Variants in FARS2 observed in about 807,000 individuals in gnomAD.
FARS2 encodes phenylalanyl-tRNA synthetase 2, mitochondrial, also known as phenylalanine--tRNA ligase, mitochondrial.
In FARS2, 40 loss-of-function variants were observed where a neutral mutation model predicts 46.4. That is an observed-to-expected ratio of 0.86 (90% CI 0.67 to 1.12). The LOEUF is 1.12. Ranked by LOEUF, FARS2 falls within the 50% of genes most tolerant of loss-of-function variation. The pLI, the probability that FARS2 is intolerant of heterozygous loss-of-function variation, is 0.00. For missense variants in FARS2, 513 were observed against 567.9 expected, an observed-to-expected ratio of 0.90 and a Z score of 0.98; for synonymous variants, 234 against 214.9, an observed-to-expected ratio of 1.09 and a Z score of -0.78.
At chr6:5,766,149 T>C (rs909838991) in intron 6 of FARS2, among the ~76,000 whole-genome samples, 4 of 152,234 alleles carry the variant, frequency 2.6e-5, no homozygotes, top group African/African-American at 9.6e-5. Flanking sequence ...GTGAAGTACA[T>C]AAAAGAGAAC....
chr6:5,369,034 A>G lies in FARS2; in HGVS notation c.464A>G (p.His155Arg). Residue 155 changes from histidine to arginine, a missense_variant, in exon 2 of 7, where the codon CAC (histidine) becomes CGC (arginine). By Grantham distance (29) the His-to-Arg change is conservative. Transcript: ENST00000274680. ...YLNRTHMLRA[H>R]TSAHQWDLLH... ...AATCGGACTCACATGCTGAGAGCGC[A>G]CACGTCTGCACACCAGTGGGACTTG... The G allele has an allele frequency of 1.9e-6, 3 of 1,614,118 alleles. No individual in the cohort carries two copies. Among genetic ancestry groups the G allele is most frequent in the Non-Finnish European group, 2.5e-6 (3 of 1,180,020 alleles).
intron 6 of FARS2, among the ~76,000 whole-genome samples, chr6:5,724,957 G>A (rs185131213): frequency 1.8e-4 from 27 of 152,356 alleles, no homozygotes; most frequent in Non-Finnish European, 3.5e-4. Context: ...AGACTAAAAC[G>A]TAGTGGGGCA....
At chr6:5,749,553 C>T (rs549946047) in intron 6 of FARS2, among the ~76,000 whole-genome samples, 46 of 152,308 alleles carry the variant, frequency 3.0e-4, no homozygotes, top group African/African-American at 1.1e-3. Context: ...GCTGGTCCTT[C>T]AGACCAACCG....
chr6:5,349,523 C>G (rs1436610652), intron 1 of FARS2, among the ~76,000 whole-genome samples: 1 of 152,090 alleles, frequency 6.6e-6, no homozygotes, highest in Non-Finnish European at 1.5e-5. Flanking sequence ...CCCTTGAGTA[C>G]TTTTTAGAAA....
intron 5 of FARS2, among the ~76,000 whole-genome samples, chr6:5,600,319 C>T (rs558827672): frequency 6.6e-6 from 1 of 152,288 alleles, no homozygotes; most frequent in Non-Finnish European, 1.5e-5. Flanking sequence ...CTTGATGAGT[C>T]TCGTGTGGTT....
intron 5 of FARS2, among the ~76,000 whole-genome samples, chr6:5,591,981 C>G (rs113592473): frequency 0.019 from 2,835 of 152,226 alleles, 88 homozygotes; most frequent in African/African-American, 0.062. Flanking sequence ...ATTAATGAGT[C>G]AAGAGAAAAG....
At chr6:5,762,690 A>G (rs1023027533) in intron 6 of FARS2, among the ~76,000 whole-genome samples, 1 of 151,950 alleles carries the variant, frequency 6.6e-6, no homozygotes, top group East Asian at 1.9e-4. Flanking sequence ...CCGGCGGGGG[A>G]GGCCCTCTCT....
intron 5 of FARS2, among the ~76,000 whole-genome samples, chr6:5,593,932 C>T (rs1774061304): frequency 6.6e-6 from 1 of 152,170 alleles, no homozygotes; most frequent in Non-Finnish European, 1.5e-5. Flanking sequence ...CAGCTAAATC[C>T]CTGGCTAAGG....
rs188341738 is a variant in FARS2, at chr6:5,494,630, A to G, written c.905-50550A>G. 9.0e-4 allele frequency among the ~76,000 whole-genome samples: 137 copies of G among 152,100 alleles called. 1 individual carries two copies. The Middle Eastern group carries it at 0.02, about 23-fold the overall frequency. ...CACTAATTCTCTTCTCTCTCTTCCT[A>G]CTACCCATCCTTTCCACTTGGAGTA... On this transcript the variant is annotated intron_variant, in intron 4 of 6. Coordinates refer to ENST00000274680, the MANE Select transcript of FARS2 (RefSeq NM_006567.5).
intron 4 of FARS2, among the ~76,000 whole-genome samples, chr6:5,483,660 C>T (rs1766606218): frequency 6.6e-6 from 1 of 151,658 alleles, no homozygotes; most frequent in South Asian, 2.1e-4. Flanking sequence ...GAGTGAGACT[C>T]TGTCTCAAAA....
intron 4 of FARS2, among the ~76,000 whole-genome samples, chr6:5,515,509 A>G (rs930351536): frequency 6.6e-6 from 1 of 152,006 alleles, no homozygotes; most frequent in African/African-American, 2.4e-5. Context: ...GCTCACTACA[A>G]CCTCCATCTC....
chr6:5,357,984 C>A (rs1487143653), intron 1 of FARS2, among the ~76,000 whole-genome samples: 1 of 152,154 alleles, frequency 6.6e-6, no homozygotes, highest in African/African-American at 2.4e-5. Context: ...TAAAGACTGA[C>A]AAAACCTTTG....
intron 4 of FARS2, among the ~76,000 whole-genome samples, chr6:5,532,774 T>TAAGAAGAAGAAGAAGAAGAAGAAGAAG (rs1391729088): frequency 7.1e-6 from 1 of 141,392 alleles, no homozygotes; most frequent in African/African-American, 3.0e-5. Context: ...GTAATAATAA[T>TAAGAAGAAGAAGAAGAAGAAGAAGAAG]AATAATAATA....
intron 4 of FARS2, among the ~76,000 whole-genome samples, chr6:5,499,385 T>G (rs1297983603): frequency 6.6e-6 from 1 of 152,190 alleles, no homozygotes; most frequent in African/African-American, 2.4e-5. Context: ...AGACTGCACT[T>G]TAGTTCCCTT....
At chr6:5,381,555 C>G (rs1759793063) in intron 2 of FARS2, among the ~76,000 whole-genome samples, 1 of 152,108 alleles carries the variant, frequency 6.6e-6, no homozygotes, top group Admixed American at 6.5e-5. Flanking sequence ...TAGGTAATTC[C>G]CAATCTCAGT....
intron 5 of FARS2, among the ~76,000 whole-genome samples, chr6:5,606,741 G>A (rs575435941): frequency 2.6e-4 from 40 of 152,270 alleles, no homozygotes; most frequent in Non-Finnish European, 4.4e-4. Context: ...TTCAATAGCG[G>A]GGAGGTGGAG....
At chr6:5,288,805 C>G (rs57709989) in intron 1 of FARS2, among the ~76,000 whole-genome samples, 12,581 of 152,190 alleles carry the variant, frequency 0.083, 881 homozygotes, top group African/African-American at 0.19. Flanking sequence ...TGAGAGGAAA[C>G]AGCTATTGTT....
At chr6:5,492,942 T>C (rs1331973084) in intron 4 of FARS2, among the ~76,000 whole-genome samples, 1 of 152,252 alleles carries the variant, frequency 6.6e-6, no homozygotes, top group Non-Finnish European at 1.5e-5. Context: ...CTGGAGCTGA[T>C]GTTTGCCTCT....
chr6:5,547,608 G>T (rs573882164), intron 5 of FARS2, among the ~76,000 whole-genome samples: 4 of 152,296 alleles, frequency 2.6e-5, no homozygotes, highest in Non-Finnish European at 5.9e-5. Context: ...ATCTCTTTCT[G>T]CTTTCCATCC....
Sources: gnomAD v4.1 joint callset for allele counts (sites outside exome capture counted in the v4.1 genomes callset) on GRCh38, gnomAD v4.1.1 for gene constraint, MANE v1.5 for transcripts, NCBI Gene and HGNC (gene_info 2026-07-23, HGNC 2026-07-21) for gene names.